The following CEP112 variants were observed in gnomAD, a reference collection of about 807,000 sequenced individuals.
CEP112 encodes the protein centrosomal protein of 112 kDa.
In CEP112, 127 loss-of-function variants were observed where a neutral mutation model predicts 153.0. That is an observed-to-expected ratio of 0.83 (90% confidence interval 0.72 to 0.96). The LOEUF (loss-of-function observed/expected upper bound fraction) is 0.96, where lower values mean the gene tolerates loss of function less well. Among genes scored for constraint, CEP112 ranks in the 40% least tolerant of loss-of-function variants. CEP112 has a pLI of 0.00. For missense variants in CEP112, 1,089 were observed against 1,101.2 expected, an observed-to-expected ratio of 0.99 and a Z score of 0.16; for synonymous variants, 358 against 374.4, an observed-to-expected ratio of 0.96 and a Z score of 0.51.
intron 23 of CEP112, among the ~76,000 whole-genome samples, chr17:65,702,949 T>C (rs931371561): frequency 3.3e-5 from 5 of 152,042 alleles, no homozygotes; most frequent in Admixed American, 2.0e-4. Context: ...CCATGACACG[T>C]GGGGATTATT....
chr17:65,999,402 C>T lies in CEP112; in HGVS notation c.1736+6288G>A, dbSNP rs182353454. The stretch of plus-strand genomic sequence containing the variant: ...ATTTTTAGTGGATACGGGGTTTCAC[C>T]GTGTTAGCCAGGATGGTCTCGATCT... On this transcript the variant is annotated intron_variant, in intron 17 of 26. Transcript: ENST00000535342. 3.0e-3 allele frequency among the ~76,000 whole-genome samples: 460 copies of T among 152,100 alleles called. 3 individuals are homozygous for T. Among genetic ancestry groups the T allele is most frequent in the Non-Finnish European group, 4.5e-3 (305 of 67,990 alleles).
chr17:66,068,944 CA>C (rs1182830933), intron 9 of CEP112, among the ~76,000 whole-genome samples: 3 of 150,838 alleles, frequency 2.0e-5, no homozygotes, highest in South Asian at 2.1e-4. Flanking sequence ...CTAGTAAGAG[CA>C]AAAAAAATTT....
chr17:66,046,309 TG>T (rs2066207208), intron 12 of CEP112, among the ~76,000 whole-genome samples: 1 of 152,142 alleles, frequency 6.6e-6, no homozygotes. Context: ...CCCAAAGTGC[TG>T]GGATTATAGG....
chr17:66,145,117 T>C (rs1048929677), intron 4 of CEP112, among the ~76,000 whole-genome samples: 2 of 152,230 alleles, frequency 1.3e-5, no homozygotes, highest in Middle Eastern at 3.2e-3. Flanking sequence ...CACACTGTGC[T>C]TTATAATTTG....
At chr17:65,665,380 AG>A (rs1425330518) in intron 24 of CEP112, among the ~76,000 whole-genome samples, 1 of 152,232 alleles carries the variant, frequency 6.6e-6, no homozygotes, top group African/African-American at 2.4e-5. Flanking sequence ...GGCCAACTCA[AG>A]GGTGTGCTTC....
chr17:66,171,065 T>C (rs528157751), intron 4 of CEP112, among the ~76,000 whole-genome samples: 31 of 152,258 alleles, frequency 2.0e-4, no homozygotes, highest in Admixed American at 5.9e-4. Flanking sequence ...ACCATACTTC[T>C]AACAAGTTTG....
At chr17:65,900,596 C>A (rs1335685753) in intron 20 of CEP112, among the ~76,000 whole-genome samples, 1 of 152,068 alleles carries the variant, frequency 6.6e-6, no homozygotes, top group Non-Finnish European at 1.5e-5. Flanking sequence ...GGAAGTTATG[C>A]AAATTAGTGT....
At chr17:65,926,713 A>AAATAATAATAATAATAATAATAAT (rs369745977) in intron 19 of CEP112, among the ~76,000 whole-genome samples, 187 of 150,432 alleles carry the variant, frequency 1.2e-3, no homozygotes, top group African/African-American at 4.1e-3. Flanking sequence ...ACTCCTTCTC[A>AAATAATAATAATAATAATAATAAT]AATAATAATA....
At chr17:65,651,546 A>C (rs1301061283) in intron 24 of CEP112, among the ~76,000 whole-genome samples, 1 of 152,184 alleles carries the variant, frequency 6.6e-6, no homozygotes, top group African/African-American at 2.4e-5. Context: ...ACTAGTTTAC[A>C]TTCCCAACAG....
At chr17:65,993,508 G>A (rs1002823848) in intron 17 of CEP112, among the ~76,000 whole-genome samples, 27 of 152,184 alleles carry the variant, frequency 1.8e-4, no homozygotes, top group African/African-American at 6.0e-4. Context: ...CCCAGCAGAA[G>A]TGTGTATATT....
intron 17 of CEP112, among the ~76,000 whole-genome samples, chr17:65,988,054 G>T (rs1008160446): frequency 6.6e-6 from 1 of 152,138 alleles, no homozygotes; most frequent in Non-Finnish European, 1.5e-5. Context: ...CCAAATCAGA[G>T]TGACTGTTCA....
chr17:65,764,471 A>G (rs1043823093), intron 21 of CEP112, among the ~76,000 whole-genome samples: 1 of 152,224 alleles, frequency 6.6e-6, no homozygotes, highest in African/African-American at 2.4e-5. Context: ...TCTAATATAT[A>G]TTTACACTTG....
At chr17:65,671,847 T>C in intron 24 of CEP112, among the ~76,000 whole-genome samples, 1 of 152,090 alleles carries the variant, frequency 6.6e-6, no homozygotes, top group South Asian at 2.1e-4. Context: ...GGAAGCAAAC[T>C]CTTTCAGTGA....
chr17:66,086,934 G>A (rs1350826349), intron 8 of CEP112, among the ~76,000 whole-genome samples: 1 of 151,986 alleles, frequency 6.6e-6, no homozygotes, highest in Non-Finnish European at 1.5e-5. Context: ...TTTTTACACA[G>A]GGGCAAATCA....
At chr17:65,977,635 T>C (rs2063084562) in intron 17 of CEP112, among the ~76,000 whole-genome samples, 1 of 152,064 alleles carries the variant, frequency 6.6e-6, no homozygotes, top group East Asian at 1.9e-4. Context: ...GATTCCCCAA[T>C]GTGGGGTTAA....
intron 16 of CEP112, among the ~76,000 whole-genome samples, chr17:66,022,210 C>T (rs2065024980): frequency 6.6e-6 from 1 of 152,106 alleles, no homozygotes; most frequent in Non-Finnish European, 1.5e-5. Context: ...AAGTAAACAG[C>T]TCTACCCAAC....
intron 24 of CEP112, among the ~76,000 whole-genome samples, chr17:65,641,591 T>C (rs2045136100): frequency 6.6e-6 from 1 of 151,802 alleles, no homozygotes; most frequent in South Asian, 2.1e-4. Flanking sequence ...TAAAAATATA[T>C]AAAAATTAGC....
At chr17:66,185,467 C>T (rs1267480620) in intron 1 of CEP112, among the ~76,000 whole-genome samples, 1 of 152,142 alleles carries the variant, frequency 6.6e-6, no homozygotes, top group Non-Finnish European at 1.5e-5. Flanking sequence ...GTGATCCATC[C>T]ACCTCAGCCT....
intron 23 of CEP112, among the ~76,000 whole-genome samples, chr17:65,704,574 A>C (rs2048822750): frequency 6.6e-6 from 1 of 152,090 alleles, no homozygotes; most frequent in African/African-American, 2.4e-5. Flanking sequence ...TGTTATATTG[A>C]TCTATCGGTA....
Sources: allele counts gnomAD v4.1 joint callset (sites outside exome capture counted in the v4.1 genomes callset), GRCh38; gene constraint gnomAD v4.1.1; transcripts MANE v1.5; gene names NCBI Gene and HGNC (gene_info 2026-07-23, HGNC 2026-07-21).